Variants in HMCN1 observed in about 807,000 individuals in gnomAD.
HMCN1 encodes hemicentin 1.
A neutral mutation model predicts 625.9 loss-of-function variants in HMCN1; 321 were observed. That is an observed-to-expected ratio of 0.51 (90% CI 0.47 to 0.56). HMCN1 has a LOEUF of 0.56. Ranked by LOEUF, HMCN1 falls within the 20% of genes least tolerant of loss-of-function variation. The probability of loss-of-function intolerance (pLI) is 0.00; values close to 1 mark genes in which losing one functional copy is unlikely to be tolerated. For synonymous variants in HMCN1, 2,425 were observed against 2,417.6 expected (o/e 1.00, Z -0.09); for missense variants, 6,588 against 6,887.3 (o/e 0.96, Z 1.54).
At chr1:185,896,016 A>C (rs367928962) in intron 4 of HMCN1, among the ~76,000 whole-genome samples, 21 of 151,990 alleles carry the variant, frequency 1.4e-4, no homozygotes, top group Middle Eastern at 3.4e-3. Context: ...GCTCACTGCA[A>C]GCTCTGCCTC....
chr1:186,127,862 A>G (rs914184628), intron 82 of HMCN1, among the ~76,000 whole-genome samples: 4 of 152,146 alleles, frequency 2.6e-5, no homozygotes, highest in Non-Finnish European at 5.9e-5. Context: ...CTGTAAAATG[A>G]TTATTGTTCT....
Position 186,016,231 on chromosome 1 carries a change from A to T in HMCN1, c.5183A>T (p.Asp1728Val). The T allele has an allele frequency of 6.2e-7, 1 of 1,612,688 alleles. No homozygotes were observed. The highest frequency in any genetic ancestry group is 1.3e-5 in the African/African-American group (1 of 74,982). ...AGEKEIKYEV[D>V]VLVPPAIEGG... is the part of the protein sequence containing the mutation. Reference sequence around the variant, plus strand: ...GAAAAGGAAATCAAATATGAAGTTGATGTCTTGGGTAAATAAGGATGCCAC... The same window carrying T: ...GAAAAGGAAATCAAATATGAAGTTGTTGTCTTGGGTAAATAAGGATGCCAC... Residue 1728 changes from aspartate (D) to valine (V), a missense_variant, in exon 32 of 107, where the codon GAT becomes GTT. Coordinates refer to ENST00000271588, the MANE Select transcript of HMCN1 (RefSeq NM_031935.3).
At chr1:185,797,615 G>A (rs1289392218) in intron 1 of HMCN1, among the ~76,000 whole-genome samples, 1 of 152,140 alleles carries the variant, frequency 6.6e-6, no homozygotes, top group African/African-American at 2.4e-5. Context: ...TTTTGTTCCT[G>A]TCATAATGTT....
At chr1:185,976,389 G>A (rs1304936525) in intron 15 of HMCN1, among the ~76,000 whole-genome samples, 1 of 152,142 alleles carries the variant, frequency 6.6e-6, no homozygotes, top group Non-Finnish European at 1.5e-5. Context: ...AGATGAGGCT[G>A]CAAAGTTGGA....
At chr1:185,848,488 C>T (rs1661971030) in intron 2 of HMCN1, among the ~76,000 whole-genome samples, 2 of 152,092 alleles carry the variant, frequency 1.3e-5, no homozygotes, top group South Asian at 4.1e-4. Flanking sequence ...GGTTTTGAAA[C>T]TGGCTCCTTT....
chr1:185,859,659 TTTATTA>T (rs905901608), intron 2 of HMCN1, among the ~76,000 whole-genome samples: 1 of 151,658 alleles, frequency 6.6e-6, no homozygotes, highest in African/African-American at 2.4e-5. Context: ...GATCATTTTA[TTTATTA>T]TTATTATTAT....
chr1:185,895,417 A>C (rs1665429220), intron 4 of HMCN1, among the ~76,000 whole-genome samples: 1 of 152,210 alleles, frequency 6.6e-6, no homozygotes, highest in Admixed American at 6.5e-5. Context: ...CTACTCAGGA[A>C]TGTTCAGGCC....
intron 97 of HMCN1, among the ~76,000 whole-genome samples, chr1:186,159,654 C>T (rs1172691534): frequency 1.3e-5 from 2 of 152,096 alleles, no homozygotes; most frequent in African/African-American, 4.8e-5. Flanking sequence ...TGTCAAAGGC[C>T]TTTTCTGCAT....
At chr1:186,122,839 A>G (rs939200327) in intron 80 of HMCN1, 112 bp from the exon 81 acceptor site, 2 of 1,120,644 alleles carry the variant, frequency 1.8e-6, no homozygotes, top group African/African-American at 1.6e-5. Flanking sequence ...GATATGGTGA[A>G]GTCAGGATTT....
chr1:186,067,762 A>T, intron 49 of HMCN1, 72 bp from the exon 50 acceptor site: 1 of 1,012,686 alleles, frequency 9.9e-7, no homozygotes, highest in Non-Finnish European at 1.6e-6. Flanking sequence ...AATACATATA[A>T]TGGAAATTTA....
At chr1:185,924,910 C>A in intron 8 of HMCN1, 137 bp from the exon 9 acceptor site, 1 of 814,998 alleles carries the variant, frequency 1.2e-6, no homozygotes, top group Non-Finnish European at 2.0e-6. Context: ...TTTTAGTGAT[C>A]TGGGTTAATT....
chr1:185,849,968 GA>G (rs150050607), intron 2 of HMCN1, among the ~76,000 whole-genome samples: 2 of 151,648 alleles, frequency 1.3e-5, no homozygotes, highest in East Asian at 1.9e-4. Context: ...CAAATTCTCT[GA>G]AAAAAAATTT....
rs200045422 is a variant in HMCN1 at position 186,108,602 on chromosome 1, A to G, written c.10989+5A>G. 2.2e-3 allele frequency: 3,480 copies of G among 1,614,066 alleles called. 80 individuals carry two copies. The South Asian group carries it at 0.03, about 14-fold the overall frequency. On this transcript the variant is annotated splice_donor_5th_base_variant and intron_variant, in intron 71 of 106. Transcript: ENST00000271588. ...AGAAATGGAGAACGGTTACAGGTAA[A>G]TTTTTTGATAAGCTCCACAAATTCC...
At chr1:186,157,896 A>G (rs1651137958) in intron 97 of HMCN1, among the ~76,000 whole-genome samples, 1 of 152,142 alleles carries the variant, frequency 6.6e-6, no homozygotes, top group Non-Finnish European at 1.5e-5. Flanking sequence ...TGCTGCAATA[A>G]ACATACGTGT....
Position 185,808,254 on chromosome 1 carries a change from C to T in HMCN1, c.269-37772C>T, listed in dbSNP as rs10911777. ...CCCAGCTATTTGGGGCACTGCGGCACGAGAATCCCTTGAACCTCAGAAGCA... is the reference window on the plus strand; with the variant it reads ...CCCAGCTATTTGGGGCACTGCGGCATGAGAATCCCTTGAACCTCAGAAGCA... On this transcript the variant is annotated intron_variant, in intron 1 of 106. Transcript: ENST00000271588. Among the ~76,000 whole-genome samples, 372 of 151,956 alleles carry T rather than the reference C, an allele frequency of 2.4e-3. 2 individuals carry two copies. The highest frequency in any genetic ancestry group is 8.4e-3 in the African/African-American group (350 of 41,450).
chr1:185,825,349 T>G (rs1660452565), intron 1 of HMCN1, among the ~76,000 whole-genome samples: 1 of 152,190 alleles, frequency 6.6e-6, no homozygotes, highest in Non-Finnish European at 1.5e-5. Context: ...ATTTAGGGGG[T>G]AACTTTTAAA....
At chr1:185,844,482 A>G (rs1378771786) in intron 1 of HMCN1, among the ~76,000 whole-genome samples, 1 of 152,206 alleles carries the variant, frequency 6.6e-6, no homozygotes, top group Non-Finnish European at 1.5e-5. Context: ...TTTGTACCAT[A>G]TGTAGCTTGT....
chr1:186,182,171 T>G lies in HMCN1; in HGVS notation c.16298T>G (p.Ile5433Ser), dbSNP rs1347072582. ...TCTCTGTCTTCTTCCTGAACAGATA[T>G]TGATGAATGTGAAAATACAGATGCC... ...SEASHDTCVD[I>S]DECENTDACQ... Residue 5433 changes from isoleucine (I) to serine (S), a missense_variant, in exon 105 of 107, where the codon ATT (isoleucine) becomes AGT (serine). By Grantham distance (142) the Ile-to-Ser change is moderately radical. This residue lies in a region of HMCN1 where 1,954 missense variants were observed against 2,013.1 expected (regional missense o/e 0.97). Coordinates refer to ENST00000271588, the MANE Select transcript of HMCN1 (RefSeq NM_031935.3). The G allele has an allele frequency of 3.7e-6, 6 of 1,613,048 alleles. No homozygotes were observed. The highest frequency in any genetic ancestry group is 1.3e-5 in the African/African-American group (1 of 74,854).
intron 102 of HMCN1, among the ~76,000 whole-genome samples, chr1:186,172,594 G>C (rs1019856397): frequency 6.6e-6 from 1 of 152,106 alleles, no homozygotes; most frequent in African/African-American, 2.4e-5. Flanking sequence ...TGCTTTGCCT[G>C]TCTAGTCTAC....
Sources: gnomAD v4.1 joint callset for allele counts (sites outside exome capture counted in the v4.1 genomes callset) on GRCh38, gnomAD v4.1.1 for gene constraint, gnomAD v4.1.1 regional missense constraint, MANE v1.5 for transcripts, NCBI Gene and HGNC (gene_info 2026-07-23, HGNC 2026-07-21) for gene names.